Variants in LARGE1 observed in about 807,000 individuals in gnomAD.
LARGE1 encodes the protein LARGE xylosyl- and glucuronyltransferase 1.
LARGE1 carries 43 observed loss-of-function variants against 87.6 expected under a neutral mutation model. That is an observed-to-expected ratio of 0.49 (90% CI 0.38 to 0.63). The LOEUF is 0.63. Ranked by LOEUF, LARGE1 falls within the 30% of genes least tolerant of loss-of-function variation. The pLI, the probability that LARGE1 is intolerant of heterozygous loss-of-function variation, is 0.00. For synonymous variants in LARGE1, 434 were observed against 394.6 expected (o/e 1.10, Z -1.18); for missense variants, 802 against 1,000.2 (o/e 0.80, Z 2.67).
intron 6 of LARGE1, among the ~76,000 whole-genome samples, chr22:33,541,747 TAA>T (rs35401796): frequency 7.3e-5 from 10 of 137,638 alleles, no homozygotes; most frequent in East Asian, 2.1e-4. Flanking sequence ...TTCCAAAAAT[TAA>T]AAAAAAAAAA....
Position 33,799,540 on chromosome 22 carries a change from A to G in LARGE1, c.-82-37982T>C, listed in dbSNP as rs535391986. 3.9e-5 allele frequency among the ~76,000 whole-genome samples: 6 copies of G among 152,226 alleles called. No homozygotes were observed. In the East Asian group the frequency reaches 1.2e-3, roughly 29 times the overall value. ...ACCACAACCTCCCCCTCCTGGGTTC[A>G]AGCGATTCTCCTGCCTCAGCTGCCC... On this transcript the variant is annotated intron_variant, in intron 1 of 14. Transcript: ENST00000397394.
At chr22:33,529,158 G>A (rs2072068835) in intron 6 of LARGE1, among the ~76,000 whole-genome samples, 1 of 152,134 alleles carries the variant, frequency 6.6e-6, no homozygotes, top group African/African-American at 2.4e-5. Flanking sequence ...AATTGGGAAG[G>A]GACTTTAAAG....
At chr22:33,503,082 G>C (rs888760984) in intron 6 of LARGE1, among the ~76,000 whole-genome samples, 3 of 152,174 alleles carry the variant, frequency 2.0e-5, no homozygotes, top group African/African-American at 7.2e-5. Flanking sequence ...TTTGTGCAAG[G>C]AGGTCCAAAA....
chr22:33,792,990 T>C (rs1569449084), intron 1 of LARGE1, among the ~76,000 whole-genome samples: 1 of 152,132 alleles, frequency 6.6e-6, no homozygotes, highest in Admixed American at 6.6e-5. Flanking sequence ...CAAACAGCTT[T>C]CCACCCAAAC....
At chr22:33,284,234 G>A (rs185369432) in intron 12 of LARGE1, among the ~76,000 whole-genome samples, 1 of 152,292 alleles carries the variant, frequency 6.6e-6, no homozygotes, top group Non-Finnish European at 1.5e-5. Flanking sequence ...ACCCCTGGCC[G>A]CACCAGAGCA....
At chr22:33,472,616 C>T (rs73409026) in intron 6 of LARGE1, among the ~76,000 whole-genome samples, 7,247 of 152,168 alleles carry the variant, frequency 0.048, 593 homozygotes, top group African/African-American at 0.17. Flanking sequence ...TAGTCCCTTG[C>T]CTCTCATGAC....
At chr22:33,594,827 G>T (rs1194868873) in intron 5 of LARGE1, among the ~76,000 whole-genome samples, 1 of 152,050 alleles carries the variant, frequency 6.6e-6, no homozygotes, top group African/African-American at 2.4e-5. Context: ...GGCTGGTCTC[G>T]AACTCCTGAC....
At chr22:33,856,966 T>C (rs761215822) in intron 1 of LARGE1, among the ~76,000 whole-genome samples, 34 of 152,196 alleles carry the variant, frequency 2.2e-4, no homozygotes, top group Non-Finnish European at 4.7e-4. Flanking sequence ...AGTCTCGCTC[T>C]GTTGCCCAGG....
chr22:33,578,116 C>A (rs541710619), intron 5 of LARGE1, among the ~76,000 whole-genome samples: 1 of 152,174 alleles, frequency 6.6e-6, no homozygotes, highest in Non-Finnish European at 1.5e-5. Context: ...CACCTCCCCC[C>A]GCCAACAACA....
At chr22:33,358,842 C>A (rs1427718509) in intron 9 of LARGE1, among the ~76,000 whole-genome samples, 1 of 151,504 alleles carries the variant, frequency 6.6e-6, no homozygotes, top group Non-Finnish European at 1.5e-5. Context: ...ACAACAACAA[C>A]AAAAAATTAG....
At chr22:33,825,000 C>T (rs868664624) in intron 1 of LARGE1, among the ~76,000 whole-genome samples, 1 of 152,116 alleles carries the variant, frequency 6.6e-6, no homozygotes, top group African/African-American at 2.4e-5. Flanking sequence ...TCTTTGTTTT[C>T]TTATTTGCAA....
intron 11 of LARGE1, among the ~76,000 whole-genome samples, chr22:33,258,230 C>T (rs1568992608): frequency 6.6e-6 from 1 of 152,154 alleles, no homozygotes; most frequent in Non-Finnish European, 1.5e-5. Context: ...TGGGGTTTCA[C>T]CATGTTGGCC....
intron 11 of LARGE1, among the ~76,000 whole-genome samples, chr22:33,204,069 T>C (rs558497754): frequency 6.6e-6 from 1 of 152,076 alleles, no homozygotes; most frequent in South Asian, 2.1e-4. Context: ...GATGGATGGA[T>C]GGATGGATGA....
At chr22:33,254,296 C>G (rs923589143) in intron 11 of LARGE1, among the ~76,000 whole-genome samples, 4 of 152,120 alleles carry the variant, frequency 2.6e-5, no homozygotes, top group Non-Finnish European at 4.4e-5. Context: ...TTGGATTTCC[C>G]TCGTTGGGCC....
At chr22:33,166,914 AG>A (rs765760723) in intron 11 of LARGE1, 2 of 466,832 alleles carry the variant, frequency 4.3e-6, no homozygotes, top group Non-Finnish European at 8.9e-6. Context: ...ACTGGCTAAG[AG>A]TAACCACACA....
rs1449372704 is a variant in LARGE1 at position 33,869,700 on chromosome 22, G to GT, written c.-83+50294dup. On this transcript the variant is annotated intron_variant, in intron 1 of 14. Transcript: ENST00000397394. Reference sequence around the variant, plus strand: ...CTGGGAAGGGGGTCCCTTCTGGGAGGTGGTTCTCCTTTCTCCCCATTTCAG... The same window carrying GT: ...CTGGGAAGGGGGTCCCTTCTGGGAGGTTGGTTCTCCTTTCTCCCCATTTCAG... Among the ~76,000 whole-genome samples the GT allele has an allele frequency of 5.9e-5, 9 of 152,342 alleles. No homozygotes were observed. In the East Asian group the frequency reaches 1.7e-3, roughly 29 times the overall value.
At chr22:33,741,080 T>A (rs1015676251) in intron 2 of LARGE1, among the ~76,000 whole-genome samples, 1 of 152,218 alleles carries the variant, frequency 6.6e-6, no homozygotes, top group Non-Finnish European at 1.5e-5. Context: ...GCTACTAGTT[T>A]GGGATTCATA....
At chr22:33,648,745 G>T (rs1221187997) in intron 3 of LARGE1, among the ~76,000 whole-genome samples, 2 of 152,118 alleles carry the variant, frequency 1.3e-5, no homozygotes, top group African/African-American at 4.8e-5. Context: ...ATACAGTCAG[G>T]GCTGAATAAA....
intron 1 of LARGE1, among the ~76,000 whole-genome samples, chr22:33,898,756 A>AAAAC (rs899553833): frequency 6.6e-6 from 1 of 152,214 alleles, no homozygotes; most frequent in African/African-American, 2.4e-5. Context: ...CTCCATTTCA[A>AAAAC]AAACAAACAA....
Sources: gnomAD v4.1 joint callset for allele counts (sites outside exome capture counted in the v4.1 genomes callset) on GRCh38, gnomAD v4.1.1 for gene constraint, MANE v1.5 for transcripts, NCBI Gene and HGNC (gene_info 2026-07-23, HGNC 2026-07-21) for gene names.